EFCAB6: variants seen among roughly 807,000 people sequenced by gnomAD.
EFCAB6 encodes EF-hand calcium-binding domain-containing protein 6.
EFCAB6 carries 156 observed loss-of-function variants against 169.8 expected under a neutral mutation model. The ratio of observed to expected loss-of-function variants is 0.92; its 90% CI spans 0.81 to 1.05. EFCAB6 has a LOEUF of 1.05. EFCAB6 is among the 50% of genes least tolerant of loss of function. The pLI is 0.00. For synonymous variants in EFCAB6, 698 were observed against 676.4 expected (o/e 1.03, Z -0.50); for missense variants, 1,800 against 1,829.1 (o/e 0.98, Z 0.29).
rs557528927 is a variant in EFCAB6, at chr22:43,735,258, C to T, written c.644+599G>A. 4.6e-5 allele frequency among the ~76,000 whole-genome samples: 7 copies of T among 152,092 alleles called. No homozygotes were observed. The South Asian group carries it at 1.0e-3, about 23-fold the overall frequency. On this transcript the variant is annotated intron_variant, in intron 7 of 31. Coordinates refer to ENST00000262726, the MANE Select transcript of EFCAB6 (RefSeq NM_022785.4). ...TGGAGTCAGGAGCAGGTGGTGGTGG[C>T]GTTCAAACACCATGAGGCAGCTAAA... is the stretch of plus-strand genomic sequence containing the variant.
intron 2 of EFCAB6, among the ~76,000 whole-genome samples, chr22:43,792,392 G>A (rs2062329461): frequency 1.3e-5 from 2 of 152,216 alleles, no homozygotes; most frequent in African/African-American, 2.4e-5. Flanking sequence ...AGTCAAGGGT[G>A]TGTGCAAGGG....
At chr22:43,680,345 T>C (rs1222333279) in intron 12 of EFCAB6, among the ~76,000 whole-genome samples, 1 of 152,214 alleles carries the variant, frequency 6.6e-6, no homozygotes. Flanking sequence ...TTTACTACTA[T>C]AGCTTTGCAC....
chr22:43,623,614 G>A (rs537935426), intron 20 of EFCAB6, among the ~76,000 whole-genome samples: 6 of 151,364 alleles, frequency 4.0e-5, no homozygotes, highest in South Asian at 2.1e-4. Context: ...GGTGGTATCC[G>A]GCCAGGCGCG....
chr22:43,578,445 C>T (rs2050403820), intron 25 of EFCAB6, among the ~76,000 whole-genome samples: 2 of 152,036 alleles, frequency 1.3e-5, no homozygotes, highest in South Asian at 2.1e-4. Context: ...TGCCGGCTTC[C>T]CACAGGATGA....
chr22:43,718,900 C>G (rs1484033366), intron 8 of EFCAB6, among the ~76,000 whole-genome samples: 1 of 152,206 alleles, frequency 6.6e-6, no homozygotes, highest in African/African-American at 2.4e-5. Flanking sequence ...CAAGGGCCCT[C>G]GCTGAAAGAT....
chr22:43,806,134 C>G (rs1422176919), intron 2 of EFCAB6, among the ~76,000 whole-genome samples: 1 of 143,406 alleles, frequency 7.0e-6, no homozygotes, highest in African/African-American at 2.6e-5. Context: ...CCACTGCACT[C>G]CAGCCTGGGT....
intron 23 of EFCAB6, among the ~76,000 whole-genome samples, chr22:43,593,348 T>C (rs1451283513): frequency 1.3e-5 from 2 of 152,176 alleles, no homozygotes; most frequent in African/African-American, 4.8e-5. Context: ...CCATGCTCCG[T>C]GTGGAACAGA....
chr22:43,710,566 A>G (rs1055524186), intron 10 of EFCAB6, among the ~76,000 whole-genome samples: 9 of 152,198 alleles, frequency 5.9e-5, no homozygotes, highest in African/African-American at 2.2e-4. Flanking sequence ...TCTTATATTA[A>G]CTGTGTCTTG....
At chr22:43,675,538 T>G (rs137781) in intron 13 of EFCAB6, among the ~76,000 whole-genome samples, 115,389 of 140,954 alleles carry the variant, frequency 0.82, 47,340 homozygotes, top group East Asian at 0.97. Context: ...AAGCAATAAA[T>G]CAGTGTACAA....
At chr22:43,671,515 TCA>T (rs1269989687) in intron 15 of EFCAB6, among the ~76,000 whole-genome samples, 1 of 152,220 alleles carries the variant, frequency 6.6e-6, no homozygotes, top group African/African-American at 2.4e-5. Context: ...CTGTTGCAAC[TCA>T]CACGCACAAA....
At chr22:43,546,699 C>CCGTCT (rs2048077084) in intron 27 of EFCAB6, among the ~76,000 whole-genome samples, 1 of 151,862 alleles carries the variant, frequency 6.6e-6, no homozygotes, top group Non-Finnish European at 1.5e-5. Flanking sequence ...GGTGAAACAC[C>CCGTCT]CGTCTCTACT....
intron 18 of EFCAB6, among the ~76,000 whole-genome samples, chr22:43,633,327 A>T (rs1345541657): frequency 6.6e-6 from 1 of 152,240 alleles, no homozygotes. Context: ...AGGTGGGCGG[A>T]TCACAAGGTC....
chr22:43,798,056 T>A (rs771295617), intron 2 of EFCAB6, among the ~76,000 whole-genome samples: 1 of 152,166 alleles, frequency 6.6e-6, no homozygotes, highest in Non-Finnish European at 1.5e-5. Flanking sequence ...CACTCCAGAT[T>A]CCCATTCCAG....
chr22:43,722,007 T>C (rs1416560973), intron 8 of EFCAB6, among the ~76,000 whole-genome samples: 1 of 152,112 alleles, frequency 6.6e-6, no homozygotes, highest in African/African-American at 2.4e-5. Context: ...AAAGTCCTAA[T>C]ATCTAAAATC....
In EFCAB6 at chr22:43,628,602, A is replaced by C. The variant is rs2054698543; in HGVS notation, c.2233-1923T>G. The stretch of plus-strand genomic sequence containing the variant: ...GGCCCACAAGCCTGTCTACACCCCC[A>C]TCCCACCCGTCCCCTCACTGTTCTC... On this transcript the variant is annotated intron_variant, in intron 19 of 31. Coordinates refer to ENST00000262726, the MANE Select transcript of EFCAB6 (RefSeq NM_022785.4). The surrounding 1 kb of genome is among the most constrained non-coding windows in gnomAD (Gnocchi z 4.8). Among the ~76,000 whole-genome samples the C allele has an allele frequency of 4.1e-5, 6 of 148,020 alleles. No homozygotes were observed. Among genetic ancestry groups the C allele is most frequent in the South Asian group, 2.2e-4 (1 of 4,490 alleles).
At chr22:43,747,209 C>G (rs767692076) in intron 6 of EFCAB6, among the ~76,000 whole-genome samples, 1 of 152,204 alleles carries the variant, frequency 6.6e-6, no homozygotes, top group African/African-American at 2.4e-5. Flanking sequence ...GTCGTCTCCC[C>G]CAGCATTTCC....
At chr22:43,778,006 A>C (rs2061694405) in intron 3 of EFCAB6, among the ~76,000 whole-genome samples, 1 of 152,224 alleles carries the variant, frequency 6.6e-6, no homozygotes, top group African/African-American at 2.4e-5. Context: ...CAATGAGAAC[A>C]AGTAGGATAA....
chr22:43,745,305 G>A (rs945261719), intron 6 of EFCAB6, among the ~76,000 whole-genome samples: 4 of 152,208 alleles, frequency 2.6e-5, no homozygotes, highest in African/African-American at 9.7e-5. Flanking sequence ...CACTCCGCCT[G>A]GAAAACAATC....
intron 13 of EFCAB6, among the ~76,000 whole-genome samples, chr22:43,677,582 G>A (rs189970796): frequency 6.6e-6 from 1 of 152,230 alleles, no homozygotes; most frequent in Non-Finnish European, 1.5e-5. Flanking sequence ...GAAGGTGGAG[G>A]CTGCAGTGAG....
Sources: gnomAD v4.1 joint callset for allele counts (sites outside exome capture counted in the v4.1 genomes callset) on GRCh38, gnomAD v4.1.1 for gene constraint, Gnocchi (gnomAD v3.1) non-coding constraint, MANE v1.5 for transcripts, NCBI Gene and HGNC (gene_info 2026-07-23, HGNC 2026-07-21) for gene names.